The following SEC61B variants were observed in gnomAD, a reference collection of about 807,000 sequenced individuals.
SEC61B encodes the protein SEC61 translocon subunit beta.
In SEC61B, 7 loss-of-function variants were observed where a neutral mutation model predicts 12.6. The ratio of observed to expected loss-of-function variants is 0.55; its 90% CI spans 0.32 to 1.04. The LOEUF is 1.04. Among genes scored for constraint, SEC61B ranks in the 50% least tolerant of loss-of-function variants. The probability of loss-of-function intolerance (pLI) is 0.05; values close to 1 mark genes in which losing one functional copy is unlikely to be tolerated. For missense variants in SEC61B, 107 were observed against 130.1 expected (o/e 0.82, Z 0.86); for synonymous variants, 54 against 50.1 (o/e 1.08, Z -0.33).
In SEC61B at chr9:99,227,288, A is replaced by C. The variant is rs866676248; in HGVS notation, c.102-611A>C. 1.3e-3 allele frequency among the ~76,000 whole-genome samples: 199 copies of C among 151,482 alleles called. 1 individual carries two copies. Among genetic ancestry groups the C allele is most frequent in the African/African-American group, 4.3e-3 (178 of 41,378 alleles). ...CTCAAAAAAAAAAAAAAAAAAAAAA[A>C]AAACAAACTAGTGACAACACATAAC... On this transcript the variant is annotated intron_variant, in intron 2 of 3. Coordinates refer to ENST00000223641, the MANE Select transcript of SEC61B (RefSeq NM_006808.3).
intron 1 of SEC61B, 89 bp from the exon 2 acceptor site, chr9:99,222,457 T>A: frequency 6.2e-7 from 1 of 1,606,758 alleles, no homozygotes; most frequent in Non-Finnish European, 8.5e-7. Flanking sequence ...CTCCCTTGCT[T>A]CCCCCAGCCT....
intron 2 of SEC61B, among the ~76,000 whole-genome samples, chr9:99,226,047 A>G (rs549141239): frequency 1.6e-4 from 25 of 152,370 alleles, no homozygotes; most frequent in African/African-American, 5.8e-4. Flanking sequence ...ATCTTTCTGT[A>G]AATCCCTGTA....
At chr9:99,223,983 T>C (rs910196239) in intron 2 of SEC61B, among the ~76,000 whole-genome samples, 1 of 152,128 alleles carries the variant, frequency 6.6e-6, no homozygotes. Context: ...GTCATTTCTA[T>C]CCCAGGTACC....
chr9:99,223,667 C>G (rs1828863832), intron 2 of SEC61B, among the ~76,000 whole-genome samples: 1 of 152,244 alleles, frequency 6.6e-6, no homozygotes, highest in Admixed American at 6.5e-5. Flanking sequence ...GCTGGAATTA[C>G]AGGCGTGAGC....
intron 2 of SEC61B, among the ~76,000 whole-genome samples, chr9:99,226,241 T>C (rs1828893493): frequency 6.6e-6 from 1 of 152,228 alleles, no homozygotes; most frequent in Non-Finnish European, 1.5e-5. Flanking sequence ...AACACAGCTC[T>C]TCCTGTTAGA....
At chr9:99,228,033 C>A in intron 3 of SEC61B, 33 bp downstream of exon 3, 3 of 1,534,216 alleles carry the variant, frequency 2.0e-6, no homozygotes, top group Non-Finnish European at 2.7e-6. Context: ...GTGTTTCTGT[C>A]CAGTGGCAGC....
intron 2 of SEC61B, among the ~76,000 whole-genome samples, chr9:99,223,533 G>A (rs1299691961): frequency 6.6e-6 from 1 of 151,728 alleles, no homozygotes; most frequent in African/African-American, 2.4e-5. Flanking sequence ...AGCTGAGACT[G>A]CAGGCACGTG....
intron 2 of SEC61B, among the ~76,000 whole-genome samples, chr9:99,225,341 G>GT (rs1472863010): frequency 6.6e-6 from 1 of 152,214 alleles, no homozygotes; most frequent in African/African-American, 2.4e-5. Flanking sequence ...GTAGGTAGTT[G>GT]TTTTAGATAG....
intron 3 of SEC61B, among the ~76,000 whole-genome samples, chr9:99,228,916 C>G (rs556794623): frequency 6.6e-6 from 1 of 152,130 alleles, no homozygotes; most frequent in Non-Finnish European, 1.5e-5. Flanking sequence ...GTCCTATGCT[C>G]TTTGCATATT....
In SEC61B at chr9:99,222,385, G is replaced by T; in HGVS notation, c.3+19G>T. 1 of 1,614,094 alleles carries T rather than the reference G, an allele frequency of 6.2e-7. No homozygotes were observed. Among genetic ancestry groups the T allele is most frequent in the Non-Finnish European group, 8.5e-7 (1 of 1,179,994 alleles). ...CAATATGGTATGGCGGCCCTTCCAT[G>T]ATCCCCGCCTCTCCCAGAAGCCCTG... On this transcript the variant is annotated intron_variant, in intron 1 of 3. Coordinates refer to ENST00000223641, the MANE Select transcript of SEC61B (RefSeq NM_006808.3).
At position 99,226,369 on chromosome 9, in the gene SEC61B, G is replaced by A. The variant is rs1828895295; in HGVS notation, c.102-1530G>A. ...CCGTGGTTGGGTAAAGGAGGCATGA[G>A]GACCAGAATGGGGAGGAAAGCAAGA... On this transcript the variant is annotated intron_variant, in intron 2 of 3. Coordinates refer to ENST00000223641, the MANE Select transcript of SEC61B (RefSeq NM_006808.3). Among the ~76,000 whole-genome samples the A allele has an allele frequency of 1.3e-5, 2 of 152,198 alleles. 1 individual carries two copies. Among genetic ancestry groups the A allele is most frequent in the South Asian group, 4.1e-4 (2 of 4,834 alleles).
chr9:99,227,763 A>T, intron 2 of SEC61B, 136 bp from the exon 3 acceptor site: 1 of 637,644 alleles, frequency 1.6e-6, no homozygotes, highest in Non-Finnish European at 2.7e-6. Context: ...GAGTAAAAGC[A>T]GGAATTTAGG....
chr9:99,223,045 C>G (rs1311632963), intron 2 of SEC61B: 1 of 165,006 alleles, frequency 6.1e-6, no homozygotes, highest in African/African-American at 2.4e-5. Flanking sequence ...TCAATTATAT[C>G]TCCTTACTTC....
intron 3 of SEC61B, among the ~76,000 whole-genome samples, chr9:99,229,148 A>G (rs2119022529): frequency 6.6e-6 from 1 of 152,256 alleles, no homozygotes; most frequent in African/African-American, 2.4e-5. Flanking sequence ...AGGATCACAA[A>G]TTTAGTTTAT....
chr9:99,229,376 G>A (rs1434241679), intron 3 of SEC61B, among the ~76,000 whole-genome samples: 5 of 152,116 alleles, frequency 3.3e-5, no homozygotes, highest in African/African-American at 1.2e-4. Context: ...CCAGGCTGGA[G>A]TGCAATGGCA....
At chr9:99,228,163 C>A (rs889703563) in intron 3 of SEC61B, among the ~76,000 whole-genome samples, 163 bp downstream of exon 3, 32 of 152,258 alleles carry the variant, frequency 2.1e-4, no homozygotes, top group African/African-American at 7.2e-4. Context: ...TGTTTATCAA[C>A]CGATTAGGCA....
At chr9:99,226,466 A>G (rs1204583664) in intron 2 of SEC61B, among the ~76,000 whole-genome samples, 1 of 152,142 alleles carries the variant, frequency 6.6e-6, no homozygotes, top group Non-Finnish European at 1.5e-5. Context: ...AAAAATCCAG[A>G]ATCATCAGCC....
intron 2 of SEC61B, among the ~76,000 whole-genome samples, chr9:99,225,128 G>C (rs549621805): frequency 6.6e-6 from 1 of 152,346 alleles, no homozygotes; most frequent in East Asian, 1.9e-4. Flanking sequence ...TCAAGGTATT[G>C]AGGTCTACTA....
At chr9:99,225,235 C>T (rs777372236) in intron 2 of SEC61B, among the ~76,000 whole-genome samples, 5 of 152,124 alleles carry the variant, frequency 3.3e-5, no homozygotes, top group Non-Finnish European at 5.9e-5. Context: ...GGAGATCAAA[C>T]GCAAGGAAAA....
Sources: allele counts gnomAD v4.1 joint callset (sites outside exome capture counted in the v4.1 genomes callset), GRCh38; gene constraint gnomAD v4.1.1; transcripts MANE v1.5; gene names NCBI Gene and HGNC (gene_info 2026-07-23, HGNC 2026-07-21).